Variants in DLGAP2 observed in about 807,000 individuals in gnomAD.
The protein encoded by DLGAP2 is disks large-associated protein 2.
A neutral mutation model predicts 100.3 loss-of-function variants in DLGAP2; 26 were observed. That is an observed-to-expected ratio of 0.26 (90% confidence interval 0.19 to 0.36). DLGAP2 has a LOEUF of 0.36. DLGAP2 is among the 10% of genes least tolerant of loss of function. DLGAP2 has a pLI of 1.00. For missense variants in DLGAP2, 1,858 were observed against 1,453.2 expected (o/e 1.28, Z -4.53); for synonymous variants, 886 against 630.1 (o/e 1.41, Z -6.08).
At chr8:859,937 A>T (rs993433765) in intron 1 of DLGAP2, among the ~76,000 whole-genome samples, 1 of 151,990 alleles carries the variant, frequency 6.6e-6, no homozygotes, top group Non-Finnish European at 1.5e-5. Flanking sequence ...TCCAGTATTG[A>T]GGTGTTGCTG....
chr8:1,258,490 G>T (rs560084462), intron 2 of DLGAP2, among the ~76,000 whole-genome samples: 1 of 151,962 alleles, frequency 6.6e-6, no homozygotes, highest in South Asian at 2.1e-4. Flanking sequence ...TTGCATGCGG[G>T]GCTTAAAACC....
chr8:1,306,222 A>T (rs528439440), intron 3 of DLGAP2, among the ~76,000 whole-genome samples: 2 of 152,140 alleles, frequency 1.3e-5, no homozygotes, highest in Non-Finnish European at 2.9e-5. Flanking sequence ...ACACAAGGGT[A>T]TAAAAAAGGA....
At position 1,473,579 on chromosome 8, in the gene DLGAP2, G is replaced by A. The variant is rs114602290; in HGVS notation, c.107-27787G>A. 3.5e-3 allele frequency among the ~76,000 whole-genome samples: 535 copies of A among 152,314 alleles called. 1 individual carries two copies. Among genetic ancestry groups the A allele is most frequent in the African/African-American group, 0.012 (510 of 41,574 alleles). On this transcript the variant is annotated intron_variant, in intron 3 of 14. Transcript: ENST00000637795. ...TGGGGAGGGGTTTAGCTGCAGCAGG[G>A]CTCAAGCGAGCTTTGGGGTGATGGG...
intron 1 of DLGAP2, among the ~76,000 whole-genome samples, chr8:777,939 G>A (rs1326815349): frequency 6.6e-6 from 1 of 152,176 alleles, no homozygotes; most frequent in African/African-American, 2.4e-5. Context: ...ATATCCTGCA[G>A]AGTGTTTTCC....
At chr8:1,594,714 G>A (rs745774693) in intron 6 of DLGAP2, among the ~76,000 whole-genome samples, 5 of 152,078 alleles carry the variant, frequency 3.3e-5, no homozygotes, top group African/African-American at 7.2e-5. Context: ...GTGAGCCACC[G>A]CGCCCGGCCA....
At chr8:817,271 G>A (rs1796499877) in intron 1 of DLGAP2, among the ~76,000 whole-genome samples, 1 of 152,094 alleles carries the variant, frequency 6.6e-6, no homozygotes, top group South Asian at 2.1e-4. Flanking sequence ...ACTTTCCAGT[G>A]CATTTTGCAT....
At chr8:1,236,089 C>G (rs1440420446) in intron 2 of DLGAP2, among the ~76,000 whole-genome samples, 16 of 96,716 alleles carry the variant, frequency 1.7e-4, no homozygotes, top group African/African-American at 5.7e-4. Flanking sequence ...GGTGCCATGT[C>G]TAGTTCTCTC....
At chr8:1,040,388 A>AGCTCGGTGTGCGTGGTCG (rs1352323769) in intron 2 of DLGAP2, among the ~76,000 whole-genome samples, 34 of 93,264 alleles carry the variant, frequency 3.6e-4, no homozygotes, top group African/African-American at 8.7e-4. Flanking sequence ...TTCCGTGGTC[A>AGCTCGGTGTGCGTGGTCG]GCTCGGTGTG....
intron 3 of DLGAP2, among the ~76,000 whole-genome samples, chr8:1,277,247 C>T (rs999161325): frequency 6.6e-6 from 1 of 152,300 alleles, no homozygotes; most frequent in African/African-American, 2.4e-5. Flanking sequence ...GCTTCTTCCC[C>T]ATTCTGAAGT....
At chr8:1,186,824 G>T (rs1423499691) in intron 2 of DLGAP2, among the ~76,000 whole-genome samples, 1 of 152,132 alleles carries the variant, frequency 6.6e-6, no homozygotes. Context: ...GCTTGGCTTT[G>T]CCTTTTTGTC....
chr8:1,195,814 G>T (rs932237376), intron 2 of DLGAP2, among the ~76,000 whole-genome samples: 1 of 152,210 alleles, frequency 6.6e-6, no homozygotes, highest in African/African-American at 2.4e-5. Context: ...TGCGTGACCT[G>T]CTCCGAGGCC....
chr8:1,473,907 A>C (rs6991371), intron 3 of DLGAP2, among the ~76,000 whole-genome samples: 1 of 151,920 alleles, frequency 6.6e-6, no homozygotes, highest in African/African-American at 2.4e-5. Context: ...GCCATGTGGA[A>C]CTGTGAGTCC....
Position 1,364,561 on chromosome 8 carries a change from GTC to G in DLGAP2, c.106+105683_106+105684del, listed in dbSNP as rs1226411708. ...TGGAGGACTGGGGCTGGCGGGAAGC[GTC>G]TCTCAACTCCATTCCCTCATCTTCG... On this transcript the variant is annotated intron_variant, in intron 3 of 14. Coordinates refer to ENST00000637795, the MANE Select transcript of DLGAP2 (RefSeq NM_001346810.2). 2.0e-5 allele frequency among the ~76,000 whole-genome samples: 3 copies of G among 152,018 alleles called. No individual in the cohort carries two copies. In the East Asian group the frequency reaches 5.9e-4, roughly 30 times the overall value.
chr8:1,078,200 C>G (rs1006831613), intron 2 of DLGAP2, among the ~76,000 whole-genome samples: 1 of 152,138 alleles, frequency 6.6e-6, no homozygotes, highest in African/African-American at 2.4e-5. Flanking sequence ...TCATCTAGAA[C>G]ATTATTAACA....
chr8:914,459 T>C (rs1798549797), intron 2 of DLGAP2, among the ~76,000 whole-genome samples: 1 of 152,230 alleles, frequency 6.6e-6, no homozygotes, highest in South Asian at 2.1e-4. Flanking sequence ...CAAGGGGGTG[T>C]GGATCAATAG....
chr8:1,315,287 GCC>G lies in DLGAP2; in HGVS notation c.106+56405_106+56406del, dbSNP rs1408225821. ...AAACTCGGCAGCGTTTAAAAATAGA[GCC>G]TGTGCGAGTGCAGCGTCTCTCCAAC... On this transcript the variant is annotated intron_variant, in intron 3 of 14. Transcript: ENST00000637795. Among the ~76,000 whole-genome samples, 97 of 150,562 alleles carry G rather than the reference GCC, an allele frequency of 6.4e-4. 3 individuals carry two copies. The highest frequency in any genetic ancestry group is 1.1e-3 in the South Asian group (5 of 4,652).
intron 7 of DLGAP2, among the ~76,000 whole-genome samples, chr8:1,631,872 G>C (rs73543235): frequency 1.2e-4 from 19 of 152,362 alleles, no homozygotes; most frequent in African/African-American, 4.3e-4. Context: ...ACAACTGCTA[G>C]AGGGAGAACC....
At chr8:1,377,655 G>A (rs920837633) in intron 3 of DLGAP2, among the ~76,000 whole-genome samples, 1 of 152,214 alleles carries the variant, frequency 6.6e-6, no homozygotes, top group Admixed American at 6.5e-5. Flanking sequence ...GTGCCCTGAG[G>A]GCCTGTGAGG....
chr8:1,040,256 ATGGTCAGCTCGGTGTGCG>A (rs1262286295), intron 2 of DLGAP2, among the ~76,000 whole-genome samples: 3 of 70,720 alleles, frequency 4.2e-5, no homozygotes, highest in Non-Finnish European at 5.5e-5. Flanking sequence ...CTCGGTTTCC[ATGGTCAGCTCGGTGTGCG>A]TGGTCAGCTC....
Sources: gnomAD v4.1 joint callset for allele counts (sites outside exome capture counted in the v4.1 genomes callset) on GRCh38, gnomAD v4.1.1 for gene constraint, MANE v1.5 for transcripts, NCBI Gene and HGNC (gene_info 2026-07-23, HGNC 2026-07-21) for gene names.